Variants in SGCZ observed in about 807,000 individuals in gnomAD.
SGCZ encodes sarcoglycan zeta, also known as zeta-sarcoglycan.
In SGCZ, 40 loss-of-function variants were observed where a neutral mutation model predicts 41.3. That is an observed-to-expected ratio of 0.97 (90% CI 0.75 to 1.26). The LOEUF is 1.26. Ranked by LOEUF, SGCZ falls within the 50% of genes most tolerant of loss-of-function variation. The pLI is 0.00. For missense variants in SGCZ, 552 were observed against 369.8 expected, an observed-to-expected ratio of 1.49 and a Z score of -4.04; for synonymous variants, 206 against 137.5, an observed-to-expected ratio of 1.50 and a Z score of -3.49.
At chr8:15,145,138 C>G (rs553617797) in intron 1 of SGCZ, among the ~76,000 whole-genome samples, 15 of 152,184 alleles carry the variant, frequency 9.9e-5, no homozygotes, top group Non-Finnish European at 2.2e-4. Context: ...CGTATCGCCT[C>G]AGTCCTTCTG....
intron 3 of SGCZ, among the ~76,000 whole-genome samples, chr8:14,271,641 A>G (rs1449705655): frequency 2.0e-5 from 3 of 152,024 alleles, no homozygotes; most frequent in African/African-American, 7.2e-5. Flanking sequence ...ATATAGAAAG[A>G]TTTTTTTCCT....
At chr8:14,457,585 G>A (rs373824398) in intron 2 of SGCZ, among the ~76,000 whole-genome samples, 8 of 152,172 alleles carry the variant, frequency 5.3e-5, no homozygotes, top group East Asian at 3.9e-4. Flanking sequence ...CTCCTAGTCC[G>A]CCTTCATGTT....
At chr8:14,676,871 G>A (rs891927225) in intron 1 of SGCZ, among the ~76,000 whole-genome samples, 3 of 152,074 alleles carry the variant, frequency 2.0e-5, no homozygotes, top group Non-Finnish European at 4.4e-5. Context: ...TTAACGGCTA[G>A]AAACTACCAG....
intron 1 of SGCZ, among the ~76,000 whole-genome samples, chr8:14,909,911 C>A (rs1346744375): frequency 6.6e-6 from 1 of 152,090 alleles, no homozygotes; most frequent in African/African-American, 2.4e-5. Context: ...CAGCATATTT[C>A]TATGCTTAGC....
chr8:14,439,976 T>C (rs938125092), intron 2 of SGCZ, among the ~76,000 whole-genome samples: 21 of 151,856 alleles, frequency 1.4e-4, no homozygotes, highest in Admixed American at 6.6e-4. Flanking sequence ...GATTACATAT[T>C]AGGGACAAAA....
At position 14,424,310 on chromosome 8, in the gene SGCZ, T is replaced by C. The variant is rs147717735; in HGVS notation, c.235-100106A>G. ...TCATTATAATAATGAAGGTCATACT[T>C]GTACAATACTCAAGTATTATGGATT... On this transcript the variant is annotated intron_variant, in intron 2 of 7. Transcript: ENST00000382080. Among the ~76,000 whole-genome samples, 212 of 152,284 alleles carry C rather than the reference T, an allele frequency of 1.4e-3. 3 individuals carry two copies. Among genetic ancestry groups the C allele is most frequent in the Middle Eastern group, 0.01 (3 of 294 alleles).
chr8:14,632,317 C>G (rs1806684924), intron 1 of SGCZ, among the ~76,000 whole-genome samples: 1 of 151,960 alleles, frequency 6.6e-6, no homozygotes, highest in Non-Finnish European at 1.5e-5. Context: ...GCCACCATGC[C>G]CAGACAGTGC....
intron 1 of SGCZ, among the ~76,000 whole-genome samples, chr8:14,918,803 A>G (rs1367300500): frequency 6.6e-6 from 1 of 152,238 alleles, no homozygotes; most frequent in Non-Finnish European, 1.5e-5. Flanking sequence ...TTAACTAAGA[A>G]CAGTAGTGCA....
chr8:14,751,261 A>T (rs977907595), intron 1 of SGCZ, among the ~76,000 whole-genome samples: 2 of 152,236 alleles, frequency 1.3e-5, no homozygotes, highest in Admixed American at 1.3e-4. Context: ...CAAATGATAC[A>T]TGTTCTCTAC....
chr8:14,111,623 A>AT (rs1802374327), intron 5 of SGCZ, among the ~76,000 whole-genome samples: 1 of 152,218 alleles, frequency 6.6e-6, no homozygotes, highest in Non-Finnish European at 1.5e-5. Flanking sequence ...GATGTTTCAG[A>AT]TAATTTAAAC....
chr8:15,158,181 T>C (rs1585623613), intron 1 of SGCZ, among the ~76,000 whole-genome samples: 1 of 150,504 alleles, frequency 6.6e-6, no homozygotes, highest in Non-Finnish European at 1.5e-5. Context: ...AAAAAAATGG[T>C]GAAAAGATAT....
At chr8:14,410,038 C>A (rs959885436) in intron 2 of SGCZ, among the ~76,000 whole-genome samples, 2 of 152,078 alleles carry the variant, frequency 1.3e-5, no homozygotes, top group Non-Finnish European at 2.9e-5. Flanking sequence ...CAGGAAGTAA[C>A]CAGCCAGCAT....
intron 3 of SGCZ, among the ~76,000 whole-genome samples, chr8:14,264,752 G>C (rs538583439): frequency 6.6e-6 from 1 of 152,136 alleles, no homozygotes; most frequent in African/African-American, 2.4e-5. Flanking sequence ...ACGAGGTCAG[G>C]AGACCAAGAC....
intron 1 of SGCZ, among the ~76,000 whole-genome samples, chr8:14,668,380 C>T (rs150961813): frequency 2.0e-5 from 3 of 152,254 alleles, no homozygotes; most frequent in East Asian, 1.9e-4. Context: ...TTATACTCCA[C>T]TTCATTTGAT....
intron 4 of SGCZ, among the ~76,000 whole-genome samples, chr8:14,214,968 GAA>G (rs1805944414): frequency 6.6e-6 from 1 of 151,880 alleles, no homozygotes; most frequent in Non-Finnish European, 1.5e-5. Flanking sequence ...TTAGGGGAAA[GAA>G]AATTAGCAAG....
At chr8:14,702,958 T>C (rs564020608) in intron 1 of SGCZ, among the ~76,000 whole-genome samples, 1 of 141,742 alleles carries the variant, frequency 7.1e-6, no homozygotes, top group Non-Finnish European at 1.5e-5. Context: ...GATAGATAGA[T>C]AGATAGATAG....
At chr8:14,392,150 A>G (rs1804801147) in intron 2 of SGCZ, among the ~76,000 whole-genome samples, 2 of 152,148 alleles carry the variant, frequency 1.3e-5, no homozygotes, top group Admixed American at 6.6e-5. Context: ...ATCACAAAAA[A>G]AATTATCAGT....
At chr8:15,118,661 C>T (rs1807362972) in intron 1 of SGCZ, among the ~76,000 whole-genome samples, 1 of 152,094 alleles carries the variant, frequency 6.6e-6, no homozygotes, top group African/African-American at 2.4e-5. Flanking sequence ...GGTTGAGACC[C>T]TCTGATCAGG....
chr8:14,650,909 G>A (rs7814658), intron 1 of SGCZ, among the ~76,000 whole-genome samples: 121,956 of 151,966 alleles, frequency 0.8, 49,093 homozygotes, highest in East Asian at 0.95. Context: ...CTTAAGATGA[G>A]AAATATTTAT....
Sources: gnomAD v4.1 joint callset for allele counts (sites outside exome capture counted in the v4.1 genomes callset) on GRCh38, gnomAD v4.1.1 for gene constraint, MANE v1.5 for transcripts, NCBI Gene and HGNC (gene_info 2026-07-23, HGNC 2026-07-21) for gene names.